TPO: variants seen among roughly 807,000 people sequenced by gnomAD.
TPO encodes thyroid peroxidase, also known as thyroid microsomal antigen.
TPO carries 78 observed loss-of-function variants against 96.9 expected under a neutral mutation model. That is an observed-to-expected ratio of 0.81 (90% CI 0.67 to 0.97). The LOEUF (loss-of-function observed/expected upper bound fraction) is 0.97. TPO is among the 50% of genes least tolerant of loss of function. The pLI is 0.00. For synonymous variants in TPO, 547 were observed against 538.0 expected (o/e 1.02, Z -0.23); for missense variants, 1,252 against 1,274.8 (o/e 0.98, Z 0.27).
chr2:1,472,947 G>A (rs891497348), intron 7 of TPO, among the ~76,000 whole-genome samples: 3 of 148,168 alleles, frequency 2.0e-5, no homozygotes, highest in African/African-American at 7.5e-5. Flanking sequence ...TTGGCAATTT[G>A]TATTTGTTCA....
intron 10 of TPO, among the ~76,000 whole-genome samples, chr2:1,489,889 C>T (rs376160230): frequency 3.6e-4 from 55 of 152,256 alleles, no homozygotes; most frequent in African/African-American, 1.3e-3. Context: ...CACGTTTGAG[C>T]GTTGGGGACG....
chr2:1,439,002 T>G (rs932932037), intron 5 of TPO: 2 of 587,922 alleles, frequency 3.4e-6, no homozygotes, highest in Non-Finnish European at 6.2e-6. Flanking sequence ...TTCTTTGGTT[T>G]GATGCTTCCT....
In TPO at chr2:1,401,170, C is replaced by T. The variant is rs373967795; in HGVS notation, n.180+26768C>T. On this transcript the variant is annotated intron_variant and non_coding_transcript_variant, in intron 1 of 5. Transcript: ENST00000497517. The stretch of plus-strand genomic sequence containing the variant: ...TGGCCTGAGCTGTAGGCAGCGTGCA[C>T]ATCACAATCACCCTGCTGAAAGAAA... 5.3e-5 allele frequency among the ~76,000 whole-genome samples: 8 copies of T among 152,330 alleles called. No individual in the cohort carries two copies. The East Asian group carries it at 5.8e-4, about 11-fold the overall frequency.
rs1680869642 is a variant in TPO at position 1,542,447 on chromosome 2, TACTCACAGGCTGCCG to T, written c.2777_2791del (p.Thr926_Pro930del). 6.2e-7 allele frequency: 1 copy of T among 1,614,198 alleles called. No homozygotes were observed. The highest frequency in any genetic ancestry group is 8.5e-7 in the Non-Finnish European group (1 of 1,180,032). On this transcript the variant is annotated inframe_deletion, in exon 17 of 17. Coordinates refer to ENST00000329066, the MANE Select transcript of TPO (RefSeq NM_001206744.2). ...AGAGTGCTGGGATGGAAGGCCGGGA[TACTCACAGGCTGCCG>T]AGAGCCCTCTGAGGGCAAAGTGGCA...
chr2:1,509,565 C>G (rs1353139085), intron 14 of TPO, among the ~76,000 whole-genome samples: 1 of 150,538 alleles, frequency 6.6e-6, no homozygotes, highest in Non-Finnish European at 1.5e-5. Context: ...ACACCCCACC[C>G]TCTTCTTTCG....
intron 10 of TPO, among the ~76,000 whole-genome samples, chr2:1,492,012 C>T (rs183134448): frequency 1.2e-4 from 18 of 152,224 alleles, no homozygotes; most frequent in Admixed American, 2.6e-4. Context: ...ACCAGGGCTA[C>T]GGGGCCAGCC....
At chr2:1,515,879 G>C (rs1405056786) in intron 14 of TPO, among the ~76,000 whole-genome samples, 1 of 152,018 alleles carries the variant, frequency 6.6e-6, no homozygotes, top group Non-Finnish European at 1.5e-5. Flanking sequence ...TGTTTATCCA[G>C]GGCGACCCAT....
At chr2:1,394,742 G>C (rs1367658158) in intron 1 of TPO, among the ~76,000 whole-genome samples, 1 of 152,166 alleles carries the variant, frequency 6.6e-6, no homozygotes, top group East Asian at 1.9e-4. Flanking sequence ...TGCTGTCACT[G>C]GTCTGAAATG....
At chr2:1,386,363 G>T (rs567750783) in intron 1 of TPO, among the ~76,000 whole-genome samples, 1 of 152,186 alleles carries the variant, frequency 6.6e-6, no homozygotes, top group Non-Finnish European at 1.5e-5. Flanking sequence ...CTCTTTGTAG[G>T]TCTCTAAGGA....
chr2:1,403,753 C>G (rs1042576623), intron 1 of TPO, among the ~76,000 whole-genome samples: 2 of 152,178 alleles, frequency 1.3e-5, no homozygotes, highest in African/African-American at 4.8e-5. Context: ...CCGAGCACAC[C>G]GTGGGTTCAC....
chr2:1,513,032 G>A (rs757658315), intron 14 of TPO, among the ~76,000 whole-genome samples: 44 of 152,220 alleles, frequency 2.9e-4, no homozygotes, highest in African/African-American at 1.2e-4. Context: ...GCAAGCAGCC[G>A]TCAGTGCCCT....
chr2:1,419,893 C>G (rs1663333885), intron 2 of TPO, among the ~76,000 whole-genome samples: 1 of 152,142 alleles, frequency 6.6e-6, no homozygotes, highest in African/African-American at 2.4e-5. Flanking sequence ...AATTTCAATG[C>G]CCCAGAAAAT....
At chr2:1,536,776 TCTCCCCAAATCCCCCGCAATCTGTGCAAC>T (rs1558438735) in intron 15 of TPO, among the ~76,000 whole-genome samples, 19 of 79,046 alleles carry the variant, frequency 2.4e-4, no homozygotes, top group African/African-American at 9.7e-4. Flanking sequence ...CTCTGTGTAA[TCTCCCCAAATCCCCCGCAATCTGTGCAAC>T]CTCCCCAAAT....
At position 1,435,670 on chromosome 2, in the gene TPO, C is replaced by CA. The variant is rs200816444; in HGVS notation, c.350-574dup. On this transcript the variant is annotated intron_variant, in intron 4 of 16. Coordinates refer to ENST00000329066, the MANE Select transcript of TPO (RefSeq NM_001206744.2). ...ATAAATTATAGTGACAGAATTAATC[C>CA]AAAAAAAAGAAAAACAGGAAATTGT... Among the ~76,000 whole-genome samples, 29 of 151,182 alleles carry CA rather than the reference C, an allele frequency of 1.9e-4. No homozygotes were observed. In the East Asian group the frequency reaches 2.7e-3, roughly 14 times the overall value.
At chr2:1,483,465 G>T (rs1008034261) in intron 8 of TPO, among the ~76,000 whole-genome samples, 10 of 152,236 alleles carry the variant, frequency 6.6e-5, no homozygotes, top group African/African-American at 2.4e-4. Flanking sequence ...GGAACAGAAG[G>T]TGCTGCCTGA....
At chr2:1,428,267 T>A (rs1664631114) in intron 3 of TPO, among the ~76,000 whole-genome samples, 1 of 152,124 alleles carries the variant, frequency 6.6e-6, no homozygotes, top group Non-Finnish European at 1.5e-5. Context: ...CTGGGGCCCC[T>A]GGGAAATAGC....
chr2:1,531,612 A>G (rs1259214456), intron 15 of TPO, among the ~76,000 whole-genome samples: 1 of 64,758 alleles, frequency 1.5e-5, no homozygotes, highest in Non-Finnish European at 2.9e-5. Flanking sequence ...CACTCTGTGC[A>G]ACCTCCCCAA....
chr2:1,429,169 C>T (rs528160930), intron 3 of TPO, among the ~76,000 whole-genome samples: 1 of 152,272 alleles, frequency 6.6e-6, no homozygotes, highest in African/African-American at 2.4e-5. Context: ...AGTTACTTCA[C>T]GTGAGATCTG....
Position 1,487,898 on chromosome 2 carries a change from G to A in TPO, c.1675G>A (p.Glu559Lys). The A allele has an allele frequency of 5.0e-6, 8 of 1,614,210 alleles. No homozygotes were observed. The highest frequency in any genetic ancestry group is 6.8e-6 in the Non-Finnish European group (8 of 1,180,042). The change falls in exon 10 of 17, where the codon GAG (glutamate) becomes AAG (lysine). Residue 559 changes from glutamate (E) to lysine (K), a missense_variant. Glu to Lys is a moderately conservative substitution (Grantham distance 56, BLOSUM62 1). Coordinates refer to ENST00000329066, the MANE Select transcript of TPO (RefSeq NM_001206744.2). ...GGTGCAGGATCAGCTGATGAACGAG[G>A]AGCTGACGGAAAGGCTCTTTGTGCT... ...LQVQDQLMNE[E>K]LTERLFVLSN... is the part of the protein sequence containing the mutation.
Sources: allele counts gnomAD v4.1 joint callset (sites outside exome capture counted in the v4.1 genomes callset), GRCh38; gene constraint gnomAD v4.1.1; transcripts MANE v1.5; gene names NCBI Gene and HGNC (gene_info 2026-07-23, HGNC 2026-07-21).